Variants in BRWD1 observed in about 807,000 individuals in gnomAD.
The protein encoded by BRWD1 is bromodomain and WD repeat domain containing 1.
A neutral mutation model predicts 251.2 loss-of-function variants in BRWD1; 82 were observed. The ratio of observed to expected loss-of-function variants is 0.33; its 90% confidence interval spans 0.27 to 0.39. The LOEUF is 0.39. Among genes scored for constraint, BRWD1 ranks in the 10% least tolerant of loss-of-function variants. The pLI is 1.00. For missense variants in BRWD1, 2,233 were observed against 2,711.6 expected, an observed-to-expected ratio of 0.82 and a Z score of 3.92; for synonymous variants, 918 against 902.8, an observed-to-expected ratio of 1.02 and a Z score of -0.30.
At chr21:39,244,165 T>C (rs1472473142) in intron 21 of BRWD1, among the ~76,000 whole-genome samples, 3 of 151,832 alleles carry the variant, frequency 2.0e-5, no homozygotes, top group Admixed American at 6.6e-5. Flanking sequence ...CTGGGTTCAA[T>C]GCCATTCTCC....
At chr21:39,255,394 G>A (rs931485737) in intron 19 of BRWD1, among the ~76,000 whole-genome samples, 2 of 151,324 alleles carry the variant, frequency 1.3e-5, no homozygotes, top group African/African-American at 2.4e-5. Context: ...CCTGCGCAAC[G>A]AGAGCGAAAC....
chr21:39,281,955 CAT>C (rs907425005), intron 8 of BRWD1, among the ~76,000 whole-genome samples: 9 of 150,748 alleles, frequency 6.0e-5, no homozygotes, highest in South Asian at 2.1e-4. Flanking sequence ...TATATGTAGA[CAT>C]ATATGTATAC....
chr21:39,190,228 G>T lies in BRWD1; in HGVS notation c.*6031C>A. 1.1e-6 allele frequency: 1 copy of T among 943,220 alleles called. No homozygotes were observed. The highest frequency in any genetic ancestry group is 1.2e-6 in the Non-Finnish European group (1 of 812,470). 58.4% of individuals were successfully genotyped at this position (943,220 alleles called of 1,614,324 possible). ...TCAAGGATTAATCATATTCTAATTA[G>T]ACTTTTTTTTAATTTTTAAGCTACC... On this transcript the variant is annotated 3_prime_UTR_variant, in exon 41 of 41. Transcript: ENST00000342449.
At chr21:39,296,231 T>C in intron 6 of BRWD1, 34 bp downstream of exon 6, 1 of 1,493,688 alleles carries the variant, frequency 6.7e-7, no homozygotes. Context: ...TAAAAACAAT[T>C]ATTTCAGGCA....
chr21:39,268,952 C>T (rs781062186), intron 15 of BRWD1, among the ~76,000 whole-genome samples: 3 of 151,818 alleles, frequency 2.0e-5, no homozygotes, highest in Non-Finnish European at 2.9e-5. Flanking sequence ...TGCGCCACTG[C>T]ACTCCAGCCT....
chr21:39,238,556 C>G lies in BRWD1; in HGVS notation c.2499G>C (p.Gln833His), dbSNP rs758467829. 3.7e-6 allele frequency: 6 copies of G among 1,613,376 alleles called. No homozygotes were observed. The highest frequency in any genetic ancestry group is 8.5e-7 in the Non-Finnish European group (1 of 1,179,596). The change falls in exon 22 of 41, where the codon CAG becomes CAC. Residue 833 changes from glutamine (Q) to histidine (H), a missense_variant. Coordinates refer to ENST00000342449, the MANE Select transcript of BRWD1 (RefSeq NM_033656.4). The part of the protein sequence containing the change: ...SSVRHETSCD[Q>H]SEGSGSSEED... Reference sequence around the variant, plus strand: ...CTTCTGAAGAACCAGAACCTTCACTCTGATCACAGGAAGTCTCCTAATTTG... The same window carrying G: ...CTTCTGAAGAACCAGAACCTTCACTGTGATCACAGGAAGTCTCCTAATTTG...
rs756659698 is a variant in BRWD1, at chr21:39,269,979, T to C, written c.1450A>G (p.Met484Val). The C allele has an allele frequency of 1.3e-6, 2 of 1,596,004 alleles. No individual in the cohort carries two copies. Among genetic ancestry groups the C allele is most frequent in the Non-Finnish European group, 1.7e-6 (2 of 1,170,490 alleles). The change falls in exon 15 of 41, where the codon ATG becomes GTG. Residue 484 changes from methionine to valine, a missense_variant. Met to Val is a conservative substitution (Grantham distance 21). Coordinates refer to ENST00000342449, the MANE Select transcript of BRWD1 (RefSeq NM_033656.4). ...LETHPFDSRI[M>V]LSAGHDGSIF... ...CTGCCATCATGTCCTGCAGATAACA[T>C]AATTCTGGAATCAAAGGGATGTGTC...
chr21:39,272,068 CA>C (rs374454252), intron 13 of BRWD1, among the ~76,000 whole-genome samples: 15 of 126,414 alleles, frequency 1.2e-4, no homozygotes, highest in African/African-American at 2.6e-4. Flanking sequence ...TATGTAATTA[CA>C]AAAAAAAAAC....
Position 39,188,979 on chromosome 21 carries a change from G to C in BRWD1, c.*7280C>G. On this transcript the variant is annotated 3_prime_UTR_variant, in exon 41 of 41. Coordinates refer to ENST00000342449, the MANE Select transcript of BRWD1 (RefSeq NM_033656.4). ...CTCCTTCAGCTGGACTCTGTGGGAAGAGAAGTGGCTTAAAGTGCACTGTGT... is the reference window on the plus strand; with the variant it reads ...CTCCTTCAGCTGGACTCTGTGGGAACAGAAGTGGCTTAAAGTGCACTGTGT... 3.0e-6 allele frequency: 3 copies of C among 985,372 alleles called. No individual in the cohort carries two copies. The highest frequency in any genetic ancestry group is 3.6e-6 in the Non-Finnish European group (3 of 829,912). 61.0% of individuals were successfully genotyped at this position (985,372 alleles called of 1,614,324 possible).
At position 39,188,056 on chromosome 21, in the gene BRWD1, T is replaced by C; in HGVS notation, c.*8203A>G. ...ACTGGAGCTCTACACAGCCACATGATGCCAGAGCTACTACTCCGTGCTGAC... is the reference window on the plus strand; with the variant it reads ...ACTGGAGCTCTACACAGCCACATGACGCCAGAGCTACTACTCCGTGCTGAC... On this transcript the variant is annotated 3_prime_UTR_variant, in exon 41 of 41. Transcript: ENST00000342449. The C allele has an allele frequency of 1.0e-6, 1 of 985,404 alleles. No homozygotes were observed. The highest frequency in any genetic ancestry group is 1.7e-5 in the African/African-American group (1 of 57,352). 61.0% of individuals were successfully genotyped at this position (985,404 alleles called of 1,614,324 possible).
At chr21:39,271,076 C>T (rs116687079) in intron 13 of BRWD1, among the ~76,000 whole-genome samples, 2,324 of 151,998 alleles carry the variant, frequency 0.015, 57 homozygotes, top group African/African-American at 0.053. Context: ...AGGCAGATCA[C>T]GAGGTCAGCG....
rs994597921 is a variant in BRWD1 at position 39,212,771 on chromosome 21, TAATA to T, written c.3859-68_3859-65del. 126 of 1,162,672 alleles carry T rather than the reference TAATA, an allele frequency of 1.1e-4. No individual in the cohort carries two copies. In the African/African-American group the frequency reaches 1.9e-3, roughly 17 times the overall value. 72.0% of individuals were successfully genotyped at this position (1,162,672 alleles called of 1,614,324 possible). A position where few individuals can be genotyped will look rare whatever the true frequency, so the allele number is the denominator to read the frequency against. The stretch of plus-strand genomic sequence containing the variant: ...TCATTAGAAAATAATAACATAATCT[TAATA>T]AATAACATATCAAAGACATTTGGTA... On this transcript the variant is annotated intron_variant, in intron 33 of 40. Coordinates refer to ENST00000342449, the MANE Select transcript of BRWD1 (RefSeq NM_033656.4).
chr21:39,288,867 T>A (rs1439320435), intron 8 of BRWD1, among the ~76,000 whole-genome samples: 2 of 152,186 alleles, frequency 1.3e-5, no homozygotes, highest in Non-Finnish European at 2.9e-5. Flanking sequence ...TTGGTCTTGC[T>A]ATCTCAGGGG....
chr21:39,283,924 TAA>T (rs969245508), intron 8 of BRWD1, among the ~76,000 whole-genome samples: 5 of 152,184 alleles, frequency 3.3e-5, no homozygotes, highest in African/African-American at 1.2e-4. Flanking sequence ...CTATGATTTC[TAA>T]AAGTCTTCTT....
In BRWD1 at chr21:39,193,776, T is replaced by C; in HGVS notation, c.*2483A>G. The C allele has an allele frequency of 1.0e-6, 1 of 985,538 alleles. No individual in the cohort carries two copies. The highest frequency in any genetic ancestry group is 1.1e-4 in the East Asian group (1 of 8,818). The allele number at this position is 985,538 out of a possible 1,614,324, so 61.0% of individuals were successfully genotyped here. A position where few individuals can be genotyped will look rare whatever the true frequency, so the allele number is the denominator to read the frequency against. Reference sequence around the variant, plus strand: ...CACCTGTGCATTAAATCCCTGGGCATTTTGCATAACGTAGAAAAAAAAGGC... The same window carrying C: ...CACCTGTGCATTAAATCCCTGGGCACTTTGCATAACGTAGAAAAAAAAGGC... On this transcript the variant is annotated 3_prime_UTR_variant, in exon 41 of 41. Coordinates refer to ENST00000342449, the MANE Select transcript of BRWD1 (RefSeq NM_033656.4).
At position 39,212,695 on chromosome 21, in the gene BRWD1, G is replaced by A. The variant is rs771730564; in HGVS notation, c.3871C>T (p.Leu1291Phe). ...CTCCTTCCAGAAGATGTTTTAGGAAGATCACTATCATCCTAGGAATAAAAT... is the reference window on the plus strand; with the variant it reads ...CTCCTTCCAGAAGATGTTTTAGGAAAATCACTATCATCCTAGGAATAAAAT... ...QNAEDLDDSD[L>F]PKTSSGRRRV... Residue 1291 changes from leucine (L) to phenylalanine (F), a missense_variant, in exon 34 of 41, where the codon CTT (leucine) becomes TTT (phenylalanine). This residue lies in a region of BRWD1 where 167 missense variants were observed against 183.2 expected (regional missense o/e 0.91). Transcript: ENST00000342449. 1.3e-6 allele frequency: 2 copies of A among 1,577,004 alleles called. No homozygotes were observed. Among genetic ancestry groups the A allele is most frequent in the African/African-American group, 2.7e-5 (2 of 73,744 alleles).
At chr21:39,231,748 C>T (rs979451283) in intron 25 of BRWD1, among the ~76,000 whole-genome samples, 4 of 152,110 alleles carry the variant, frequency 2.6e-5, no homozygotes, top group Admixed American at 6.5e-5. Flanking sequence ...TAAAAACAAA[C>T]GAAATCACAA....
intron 36 of BRWD1, among the ~76,000 whole-genome samples, chr21:39,206,752 A>G (rs1413375977): frequency 6.6e-6 from 1 of 152,240 alleles, no homozygotes; most frequent in Non-Finnish European, 1.5e-5. Flanking sequence ...TGAAACAAAA[A>G]TACCTTGCAT....
At chr21:39,292,251 C>G (rs1601477864) in intron 8 of BRWD1, among the ~76,000 whole-genome samples, 1 of 151,800 alleles carries the variant, frequency 6.6e-6, no homozygotes, top group East Asian at 1.9e-4. Context: ...TCGCTAGGCA[C>G]AAGTCTTAAT....
Sources: allele counts gnomAD v4.1 joint callset (sites outside exome capture counted in the v4.1 genomes callset), GRCh38; gene constraint gnomAD v4.1.1; regional missense constraint gnomAD v4.1.1; transcripts MANE v1.5; gene names NCBI Gene and HGNC (gene_info 2026-07-23, HGNC 2026-07-21).